Variants in AMOTL1 observed in about 807,000 individuals in gnomAD.
The protein encoded by AMOTL1 is angiomotin like 1.
Under a neutral mutation model 102.9 loss-of-function variants are expected in AMOTL1, and 45 were observed. The observed-to-expected ratio is 0.44, with a 90% CI of 0.34 to 0.56. The LOEUF is 0.56. Ranked by LOEUF, AMOTL1 falls within the 20% of genes least tolerant of loss-of-function variation. AMOTL1 has a pLI of 0.01. For missense variants in AMOTL1, 1,114 were observed against 1,225.6 expected (o/e 0.91, Z 1.36); for synonymous variants, 481 against 484.7 (o/e 0.99, Z 0.10).
intron 3 of AMOTL1, among the ~76,000 whole-genome samples, chr11:94,810,494 T>G (rs1371177047): frequency 5.9e-5 from 1 of 17,082 alleles, no homozygotes; most frequent in Admixed American, 9.2e-4. Flanking sequence ...ACTATTTTAG[T>G]CCAAAAAAAA....
chr11:94,813,416 G>A (rs1286139679), intron 3 of AMOTL1, among the ~76,000 whole-genome samples: 10 of 152,172 alleles, frequency 6.6e-5, no homozygotes, highest in Non-Finnish European at 2.9e-5. Flanking sequence ...CCCATTTCAT[G>A]TTGAAATAAC....
intron 6 of AMOTL1, among the ~76,000 whole-genome samples, chr11:94,839,876 T>C (rs964947240): frequency 2.0e-5 from 3 of 152,224 alleles, no homozygotes; most frequent in Non-Finnish European, 4.4e-5. Flanking sequence ...TTGCTAATTA[T>C]TTAGCCCAGC....
At position 94,799,587 on chromosome 11, in the gene AMOTL1, C is replaced by T. The variant is rs766224851; in HGVS notation, c.397C>T (p.His133Tyr). The T allele has an allele frequency of 1.2e-6, 2 of 1,613,868 alleles. No individual in the cohort carries two copies. Among genetic ancestry groups the T allele is most frequent in the South Asian group, 2.2e-5 (2 of 91,056 alleles). The change falls in exon 3 of 13, where the codon CAT (histidine) becomes TAT (tyrosine). Residue 133 changes from histidine (H) to tyrosine (Y), a missense_variant. Physicochemically the swap from His to Tyr is moderately conservative, Grantham distance 83. Transcript: ENST00000433060. This position sits in a 1 kb window ranked among gnomAD's most constrained non-coding sequence, Gnocchi z 4.5. ...HQATGSAGPA[H>Y]PTNNFSSTEN... ...GGCCACAGGGAGTGCAGGACCAGCC[C>T]ATCCTACAAACAACTTTTCTTCCAC...
At chr11:94,721,083 A>T (rs181473801) in intron 1 of AMOTL1, among the ~76,000 whole-genome samples, 8 of 152,240 alleles carry the variant, frequency 5.3e-5, no homozygotes, top group African/African-American at 1.9e-4. Context: ...TTCTGGCTCT[A>T]AGAATCTAGG....
chr11:94,807,095 T>C (rs1249532236), intron 3 of AMOTL1, among the ~76,000 whole-genome samples: 1 of 152,198 alleles, frequency 6.6e-6, no homozygotes, highest in African/African-American at 2.4e-5. Context: ...CTTCGTTCGA[T>C]AAATAAAACA....
At chr11:94,836,207 C>T (rs979538442) in intron 6 of AMOTL1, among the ~76,000 whole-genome samples, 1 of 152,032 alleles carries the variant, frequency 6.6e-6, no homozygotes, top group African/African-American at 2.4e-5. Flanking sequence ...TATTTTGAAT[C>T]CTCATTAGGT....
At chr11:94,729,444 AGCAGCCT>A (rs1950312620) in intron 2 of AMOTL1, among the ~76,000 whole-genome samples, 1 of 152,184 alleles carries the variant, frequency 6.6e-6, no homozygotes, top group Admixed American at 6.6e-5. Context: ...TTCTCCTCTC[AGCAGCCT>A]GTAAACATTC....
chr11:94,724,370 G>C (rs1408295935), intron 1 of AMOTL1, among the ~76,000 whole-genome samples: 1 of 152,130 alleles, frequency 6.6e-6, no homozygotes, highest in Non-Finnish European at 1.5e-5. Context: ...ATTTTGTTGA[G>C]ACTCTGAAAG....
chr11:94,862,212 A>G (rs1274652721), intron 9 of AMOTL1, among the ~76,000 whole-genome samples: 3 of 152,222 alleles, frequency 2.0e-5, no homozygotes, highest in Non-Finnish European at 4.4e-5. Flanking sequence ...GGGTGGGGGA[A>G]TAGGTTCAGA....
chr11:94,776,461 T>C (rs1951026944), intron 1 of AMOTL1, among the ~76,000 whole-genome samples: 1 of 152,256 alleles, frequency 6.6e-6, no homozygotes. Context: ...GCACCTCTTC[T>C]GACCTACTCT....
At chr11:94,862,349 G>A (rs1356904263) in intron 9 of AMOTL1, among the ~76,000 whole-genome samples, 4 of 152,206 alleles carry the variant, frequency 2.6e-5, no homozygotes, top group African/African-American at 7.2e-5. Flanking sequence ...TACACATTTT[G>A]AGCTCTTATT....
intron 1 of AMOTL1, among the ~76,000 whole-genome samples, chr11:94,789,905 GT>G (rs1413805465): frequency 2.0e-5 from 3 of 152,174 alleles, no homozygotes; most frequent in African/African-American, 7.2e-5. Context: ...TCATTAGGAG[GT>G]TTTGGATTAC....
chr11:94,821,445 A>G (rs1951863844), intron 3 of AMOTL1, 85 bp from the exon 4 acceptor site: 4 of 1,412,634 alleles, frequency 2.8e-6, no homozygotes, highest in Admixed American at 2.1e-5. Context: ...CATGGAAGCC[A>G]TCAACAGTGC....
chr11:94,779,679 G>C (rs1018661496), intron 1 of AMOTL1, among the ~76,000 whole-genome samples: 5 of 152,056 alleles, frequency 3.3e-5, no homozygotes, highest in Non-Finnish European at 5.9e-5. Context: ...CACAGAATAG[G>C]ACAGAATCTC....
chr11:94,834,458 G>GC (rs1555078272), intron 6 of AMOTL1, among the ~76,000 whole-genome samples: 1 of 152,048 alleles, frequency 6.6e-6, no homozygotes, highest in Non-Finnish European at 1.5e-5. Context: ...GTGATGGTGG[G>GC]CGCCTGTAGT....
intron 3 of AMOTL1, among the ~76,000 whole-genome samples, chr11:94,800,884 C>G (rs1951464813): frequency 6.6e-6 from 1 of 152,128 alleles, no homozygotes; most frequent in Admixed American, 6.5e-5. Flanking sequence ...ACTCCCTTGC[C>G]CTAATTCTTC....
rs564118004 is a variant in AMOTL1, at chr11:94,742,890, C to T, written c.136+1902C>T. On this transcript the variant is annotated intron_variant, in intron 3 of 4. Coordinates refer to the AMOTL1 transcript ENST00000299004. Reference sequence around the variant, plus strand: ...GCAGAAAAGGGCCAGGGAGCTCTTGCGGTCTCTTTTCTAAGTGCCCTAATC... The same window carrying T: ...GCAGAAAAGGGCCAGGGAGCTCTTGTGGTCTCTTTTCTAAGTGCCCTAATC... Among the ~76,000 whole-genome samples, 42 of 152,286 alleles carry T rather than the reference C, an allele frequency of 2.8e-4. No homozygotes were observed. The South Asian group carries it at 6.0e-3, about 22-fold the overall frequency.
At chr11:94,825,342 T>A (rs1951942285) in intron 4 of AMOTL1, among the ~76,000 whole-genome samples, 1 of 152,168 alleles carries the variant, frequency 6.6e-6, no homozygotes, top group Non-Finnish European at 1.5e-5. Flanking sequence ...CTTTCTTTGG[T>A]CCTGTGGATC....
intron 1 of AMOTL1, among the ~76,000 whole-genome samples, chr11:94,769,998 C>G (rs545919204): frequency 6.6e-6 from 1 of 152,224 alleles, no homozygotes; most frequent in Admixed American, 6.5e-5. Context: ...AGCTACAGTT[C>G]CAGAAAATTT....
Sources: gnomAD v4.1 joint callset for allele counts (sites outside exome capture counted in the v4.1 genomes callset) on GRCh38, gnomAD v4.1.1 for gene constraint, Gnocchi (gnomAD v3.1) non-coding constraint, MANE v1.5 for transcripts, NCBI Gene and HGNC (gene_info 2026-07-23, HGNC 2026-07-21) for gene names.